The following PRDM16 variants were observed in gnomAD, a reference collection of about 807,000 sequenced individuals.
PRDM16 encodes histone-lysine N-methyltransferase PRDM16.
Under a neutral mutation model 110.6 loss-of-function variants are expected in PRDM16, and 23 were observed. That is an observed-to-expected ratio of 0.21 (90% CI 0.15 to 0.29). The LOEUF (loss-of-function observed/expected upper bound fraction) is 0.29, where lower values mean the gene tolerates loss of function less well. PRDM16 is among the 10% of genes least tolerant of loss of function. PRDM16 has a pLI of 1.00. For synonymous variants in PRDM16, 799 were observed against 781.8 expected (o/e 1.02, Z -0.37); for missense variants, 1,615 against 1,794.3 (o/e 0.90, Z 1.81).
At chr1:3,421,912 A>ACAGGAAGACAGACAGG (rs915824589) in intron 12 of PRDM16, among the ~76,000 whole-genome samples, 1 of 150,040 alleles carries the variant, frequency 6.7e-6, no homozygotes, top group East Asian at 2.0e-4. Flanking sequence ...AGGCAAACAG[A>ACAGGAAGACAGACAGG]CAGGAAGACA....
At chr1:3,361,875 G>A (rs1642719738) in intron 3 of PRDM16, among the ~76,000 whole-genome samples, 1 of 150,828 alleles carries the variant, frequency 6.6e-6, no homozygotes, top group Admixed American at 6.6e-5. Flanking sequence ...GGCCCAGGAG[G>A]GAGGGCAGGT....
At chr1:3,212,436 C>A (rs1342405111) in intron 2 of PRDM16, among the ~76,000 whole-genome samples, 1 of 152,112 alleles carries the variant, frequency 6.6e-6, no homozygotes, top group Non-Finnish European at 1.5e-5. Context: ...AGGCCTGGAG[C>A]CGGCCGGACG....
chr1:3,084,635 T>C (rs954787292), intron 1 of PRDM16, among the ~76,000 whole-genome samples: 1 of 152,184 alleles, frequency 6.6e-6, no homozygotes, highest in African/African-American at 2.4e-5. Flanking sequence ...GCACCGTCCA[T>C]TCTGCACTTG....
At chr1:3,123,085 C>G (rs890843457) in intron 1 of PRDM16, among the ~76,000 whole-genome samples, 1 of 152,168 alleles carries the variant, frequency 6.6e-6, no homozygotes, top group Non-Finnish European at 1.5e-5. Context: ...GTGAAGAGCC[C>G]GAGGGCTGGA....
chr1:3,303,718 C>T (rs561082195), intron 3 of PRDM16, among the ~76,000 whole-genome samples: 3 of 152,344 alleles, frequency 2.0e-5, no homozygotes, highest in Admixed American at 6.5e-5. Context: ...TCCTTGCAGA[C>T]GCCCGCCTGT....
intron 1 of PRDM16, among the ~76,000 whole-genome samples, chr1:3,172,668 T>G (rs1644039449): frequency 6.6e-6 from 1 of 152,186 alleles, no homozygotes; most frequent in Admixed American, 6.5e-5. Context: ...TTGAGGACCT[T>G]GTGCTAAGCT....
At chr1:3,312,266 C>T (rs868809068) in intron 3 of PRDM16, among the ~76,000 whole-genome samples, 20 of 152,370 alleles carry the variant, frequency 1.3e-4, no homozygotes, top group South Asian at 4.1e-4. Context: ...GTTATTCCCA[C>T]GCTCATCCTC....
At chr1:3,367,446 C>G (rs1212322822) in intron 3 of PRDM16, among the ~76,000 whole-genome samples, 2 of 152,190 alleles carry the variant, frequency 1.3e-5, no homozygotes, top group African/African-American at 4.8e-5. Flanking sequence ...AAGCTCTTTG[C>G]TGTGGTTGAG....
At chr1:3,198,691 G>T (rs113019790) in intron 2 of PRDM16, among the ~76,000 whole-genome samples, 425 of 152,330 alleles carry the variant, frequency 2.8e-3, no homozygotes, top group Non-Finnish European at 4.9e-3. Flanking sequence ...CTCCGGTCCC[G>T]GCTGCGCCTC....
intron 3 of PRDM16, among the ~76,000 whole-genome samples, chr1:3,324,722 C>A (rs1641847535): frequency 6.6e-6 from 1 of 151,550 alleles, no homozygotes; most frequent in African/African-American, 2.4e-5. Context: ...AGATGTCCCC[C>A]CTGATTCCGT....
In PRDM16 at chr1:3,148,849, T is replaced by G. The variant is rs1363967193; in HGVS notation, c.38-37276T>G. Among the ~76,000 whole-genome samples the G allele has an allele frequency of 2.6e-5, 4 of 152,236 alleles. No individual in the cohort carries two copies. The highest frequency in any genetic ancestry group is 7.2e-5 in the African/African-American group (3 of 41,460). ...AAAGCCAGGATGTTTGTTAATTTAT[T>G]TTTAAGATTTAGTGTGTTGTGGGGG... On this transcript the variant is annotated intron_variant, in intron 1 of 16. Coordinates refer to ENST00000270722, the MANE Select transcript of PRDM16 (RefSeq NM_022114.4). The surrounding 1 kb of genome is among the most constrained non-coding windows in gnomAD (Gnocchi z 5.0).
intron 1 of PRDM16, among the ~76,000 whole-genome samples, chr1:3,164,761 C>G (rs1350540690): frequency 1.3e-5 from 2 of 152,118 alleles, no homozygotes; most frequent in African/African-American, 4.8e-5. Context: ...GGCAGCAGTG[C>G]AGGGGAGGGG....
intron 2 of PRDM16, among the ~76,000 whole-genome samples, chr1:3,189,530 T>A (rs1638245159): frequency 6.6e-6 from 1 of 152,260 alleles, no homozygotes. Flanking sequence ...CTGAATTTCA[T>A]ATGTATAATT....
Position 3,390,159 on chromosome 1 carries a change from G to C in PRDM16, c.573+4873G>C, listed in dbSNP as rs1643274293. On this transcript the variant is annotated intron_variant, in intron 4 of 16. Coordinates refer to ENST00000270722, the MANE Select transcript of PRDM16 (RefSeq NM_022114.4). The surrounding 1 kb of genome is among the most constrained non-coding windows in gnomAD (Gnocchi z 5.0). The stretch of plus-strand genomic sequence containing the variant: ...CTTGGCGATGAAGCGCCTGCGGGGG[G>C]ATGCGGGAGGCAGGGAGGAGCTGTC... Among the ~76,000 whole-genome samples, 1 of 152,226 alleles carries C rather than the reference G, an allele frequency of 6.6e-6. No homozygotes were observed. The highest frequency in any genetic ancestry group is 2.1e-4 in the South Asian group (1 of 4,834).
chr1:3,185,154 A>G (rs907581843), intron 1 of PRDM16, among the ~76,000 whole-genome samples: 1 of 151,100 alleles, frequency 6.6e-6, no homozygotes, highest in South Asian at 2.1e-4. Context: ...TCCTGTCCAG[A>G]CTCCTCCTCG....
chr1:3,139,312 A>G (rs10797380), intron 1 of PRDM16, among the ~76,000 whole-genome samples: 88,628 of 152,104 alleles, frequency 0.58, 26,989 homozygotes, highest in East Asian at 0.78. Flanking sequence ...CGAGCCGTGC[A>G]GATGAGACCC....
chr1:3,223,279 C>A (rs972207462), intron 2 of PRDM16, among the ~76,000 whole-genome samples: 1 of 151,990 alleles, frequency 6.6e-6, no homozygotes, highest in African/African-American at 2.4e-5. Flanking sequence ...CGGCTCATCG[C>A]AGTGTTGATT....
At chr1:3,348,824 G>C (rs1384541831) in intron 3 of PRDM16, among the ~76,000 whole-genome samples, 1 of 152,196 alleles carries the variant, frequency 6.6e-6, no homozygotes, top group East Asian at 1.9e-4. Flanking sequence ...AAAGAGCTCA[G>C]AGCTTCCCGC....
chr1:3,111,478 C>CGGGGGG (rs1557453398), intron 1 of PRDM16, among the ~76,000 whole-genome samples: 7 of 3,220 alleles, frequency 2.2e-3, no homozygotes, highest in East Asian at 8.6e-3. Context: ...GGGAGGAGGA[C>CGGGGGG]AGGCAAGGAG....
Sources: gnomAD v4.1 joint callset for allele counts (sites outside exome capture counted in the v4.1 genomes callset) on GRCh38, gnomAD v4.1.1 for gene constraint, Gnocchi (gnomAD v3.1) non-coding constraint, MANE v1.5 for transcripts, NCBI Gene and HGNC (gene_info 2026-07-23, HGNC 2026-07-21) for gene names.